AFF3: variants seen among roughly 807,000 people sequenced by gnomAD.
The protein encoded by AFF3 is ALF transcription elongation factor 3, also known as AF4/FMR2 family member 3.
A neutral mutation model predicts 129.7 loss-of-function variants in AFF3; 32 were observed. The observed-to-expected ratio is 0.25, with a 90% CI of 0.19 to 0.33. The LOEUF (loss-of-function observed/expected upper bound fraction) is 0.33, where lower values mean the gene tolerates loss of function less well. Ranked by LOEUF, AFF3 falls within the 10% of genes least tolerant of loss-of-function variation. AFF3 has a pLI of 1.00. For missense variants in AFF3, 1,373 were observed against 1,592.0 expected (o/e 0.86, Z 2.34); for synonymous variants, 644 against 635.4 (o/e 1.01, Z -0.20).
intron 11 of AFF3, among the ~76,000 whole-genome samples, chr2:99,719,253 AT>A (rs564330097): frequency 6.6e-5 from 10 of 151,592 alleles, no homozygotes; most frequent in Non-Finnish European, 1.5e-4. Context: ...ACATTAAGTG[AT>A]TTTCTAATGG....
rs529210293 is a variant in AFF3 at position 99,955,834 on chromosome 2, CT to C, written c.873+50797del. The stretch of plus-strand genomic sequence containing the variant: ...TGTCTTTAAAAGGGTACAAAAATCT[CT>C]CCTTTTGGCCTTTTTCTAGCATATT... On this transcript the variant is annotated intron_variant, in intron 7 of 24. Transcript: ENST00000672756. Among the ~76,000 whole-genome samples the C allele has an allele frequency of 5.9e-5, 9 of 152,292 alleles. No individual in the cohort carries two copies. In the East Asian group the frequency reaches 1.7e-3, roughly 29 times the overall value.
intron 4 of AFF3, among the ~76,000 whole-genome samples, chr2:100,023,849 T>A (rs747792227): frequency 5.3e-4 from 80 of 152,340 alleles, no homozygotes; most frequent in Non-Finnish European, 7.9e-4. Context: ...TATTTCTCCA[T>A]CTCAGACAGG....
At chr2:99,707,393 AT>A in intron 11 of AFF3, 1 of 985,358 alleles carries the variant, frequency 1.0e-6, no homozygotes, top group Non-Finnish European at 1.2e-6. Context: ...GAAATGTGTG[AT>A]TTTTAAACAG....
At chr2:99,861,194 G>A (rs904009401) in intron 7 of AFF3, among the ~76,000 whole-genome samples, 2 of 152,180 alleles carry the variant, frequency 1.3e-5, no homozygotes, top group Non-Finnish European at 2.9e-5. Flanking sequence ...ATGGGTTTTG[G>A]TCAACAGCTC....
intron 8 of AFF3, among the ~76,000 whole-genome samples, chr2:99,817,626 A>G (rs1185467250): frequency 3.3e-5 from 5 of 152,154 alleles, no homozygotes; most frequent in Non-Finnish European, 7.4e-5. Flanking sequence ...GGTTCAAGCA[A>G]TCTTTCCACC....
intron 2 of AFF3, among the ~76,000 whole-genome samples, chr2:100,108,663 G>A (rs1230824009): frequency 6.6e-6 from 1 of 152,112 alleles, no homozygotes; most frequent in Non-Finnish European, 1.5e-5. Context: ...GGGTAGAAAG[G>A]GGGCCAATAC....
At chr2:99,684,919 T>C (rs944206849) in intron 11 of AFF3, among the ~76,000 whole-genome samples, 1 of 151,710 alleles carries the variant, frequency 6.6e-6, no homozygotes, top group African/African-American at 2.4e-5. Flanking sequence ...ACTCACTATA[T>C]ACCAGGACTT....
intron 1 of AFF3, among the ~76,000 whole-genome samples, chr2:100,137,834 G>A (rs967915363): frequency 2.0e-5 from 3 of 152,176 alleles, no homozygotes; most frequent in African/African-American, 4.8e-5. Flanking sequence ...CCAGTGTAGA[G>A]TAGGAACTGG....
intron 7 of AFF3, among the ~76,000 whole-genome samples, chr2:99,950,528 T>A (rs1276029162): frequency 3.3e-5 from 5 of 152,154 alleles, no homozygotes; most frequent in Non-Finnish European, 7.3e-5. Flanking sequence ...ATCACAATAA[T>A]TCATTGCTAC....
At position 100,038,245 on chromosome 2, in the gene AFF3, C is replaced by T. The variant is rs6542905; in HGVS notation, c.54-29313G>A. On this transcript the variant is annotated intron_variant, in intron 4 of 24. Coordinates refer to ENST00000672756, the MANE Select transcript of AFF3 (RefSeq NM_001386135.1). ...CCGCCCGCTTCCCCACCACTCTAAG[C>T]GCTAAAGTCGCTGTCTGGTCTTACT... 2.0e-3 allele frequency among the ~76,000 whole-genome samples: 299 copies of T among 151,714 alleles called. 2 individuals are homozygous for T. Among genetic ancestry groups the T allele is most frequent in the African/African-American group, 7.0e-3 (288 of 41,292 alleles).
chr2:99,757,025 T>G (rs994425621), intron 8 of AFF3, among the ~76,000 whole-genome samples: 3 of 152,238 alleles, frequency 2.0e-5, no homozygotes, highest in Non-Finnish European at 4.4e-5. Flanking sequence ...TCTTCCCCCG[T>G]GGCTCCCACG....
At chr2:99,912,227 G>A (rs1695152997) in intron 7 of AFF3, among the ~76,000 whole-genome samples, 1 of 152,156 alleles carries the variant, frequency 6.6e-6, no homozygotes, top group South Asian at 2.1e-4. Context: ...TAGAGGCTTA[G>A]GGCAAAACTC....
chr2:99,649,857 C>T (rs565497104), intron 12 of AFF3, among the ~76,000 whole-genome samples, 191 bp from the exon 13 acceptor site: 7 of 152,244 alleles, frequency 4.6e-5, no homozygotes, highest in South Asian at 2.1e-4. Context: ...TGAACCTTCA[C>T]GGACAGTTAA....
At chr2:99,557,588 C>T (rs1675059718) in intron 22 of AFF3, among the ~76,000 whole-genome samples, 1 of 152,174 alleles carries the variant, frequency 6.6e-6, no homozygotes, top group Admixed American at 6.5e-5. Context: ...TGTAATAATT[C>T]TCTTTAGTAG....
At chr2:99,771,226 T>C (rs987993384) in intron 8 of AFF3, among the ~76,000 whole-genome samples, 13 of 151,910 alleles carry the variant, frequency 8.6e-5, no homozygotes, top group Admixed American at 6.6e-5. Flanking sequence ...CATGGACACA[T>C]GGATGGTGGG....
intron 1 of AFF3, 65 bp downstream of exon 1, chr2:100,142,419 C>T (rs1390861034): frequency 6.6e-6 from 1 of 152,296 alleles, no homozygotes; most frequent in East Asian, 1.9e-4. Context: ...GACACAAAGT[C>T]GGGGCTACCT....
chr2:99,830,059 G>T (rs1688402969), intron 8 of AFF3, among the ~76,000 whole-genome samples: 1 of 152,146 alleles, frequency 6.6e-6, no homozygotes, highest in Admixed American at 6.5e-5. Context: ...ACTTATAAGT[G>T]GGAGTTGAAC....
chr2:100,107,137 T>C, intron 2 of AFF3: 24 of 985,462 alleles, frequency 2.4e-5, no homozygotes, highest in Non-Finnish European at 2.9e-5. Context: ...TATGTTTTCA[T>C]GTAATAGTGT....
intron 12 of AFF3, among the ~76,000 whole-genome samples, chr2:99,663,221 C>G (rs556961834): frequency 2.6e-5 from 4 of 152,284 alleles, no homozygotes; most frequent in African/African-American, 9.6e-5. Context: ...AATTGGCAAT[C>G]TGCTTTTAAG....
Sources: allele counts gnomAD v4.1 joint callset (sites outside exome capture counted in the v4.1 genomes callset), GRCh38; gene constraint gnomAD v4.1.1; transcripts MANE v1.5; gene names NCBI Gene and HGNC (gene_info 2026-07-23, HGNC 2026-07-21).